The following SNX30 variants were observed in gnomAD, a reference collection of about 807,000 sequenced individuals.
The protein encoded by SNX30 is sorting nexin family member 30, also known as sorting nexin-30.
SNX30 carries 24 observed loss-of-function variants against 46.4 expected under a neutral mutation model. That is an observed-to-expected ratio of 0.52 (90% CI 0.37 to 0.73). The LOEUF is 0.73. Ranked by LOEUF, SNX30 falls within the 30% of genes least tolerant of loss-of-function variation. The pLI is 0.00. For missense variants in SNX30, 533 were observed against 555.7 expected, an observed-to-expected ratio of 0.96 and a Z score of 0.41; for synonymous variants, 189 against 211.5, an observed-to-expected ratio of 0.89 and a Z score of 0.92.
intron 1 of SNX30, among the ~76,000 whole-genome samples, chr9:112,770,420 C>G (rs1256924915): frequency 6.6e-6 from 1 of 151,972 alleles, no homozygotes; most frequent in Non-Finnish European, 1.5e-5. Context: ...ATCTGCCCAC[C>G]TCGTCCCCCC....
At chr9:112,784,452 C>T (rs1411499585) in intron 1 of SNX30, among the ~76,000 whole-genome samples, 2 of 152,284 alleles carry the variant, frequency 1.3e-5, no homozygotes, top group African/African-American at 4.8e-5. Flanking sequence ...CTTTCCAGGC[C>T]TTATTTCCTG....
intron 1 of SNX30, among the ~76,000 whole-genome samples, chr9:112,764,260 G>A (rs1171138579): frequency 1.3e-5 from 2 of 152,240 alleles, no homozygotes; most frequent in Non-Finnish European, 2.9e-5. Context: ...CGCACAGCGA[G>A]CAAGGGGATT....
Position 112,865,661 on chromosome 9 carries a change from A to ATATATGTGTGTGTGTGTGTGTGTG in SNX30, c.1254+1263_1254+1264insATATGTGTGTGTGTGTGTGTGTGT. On this transcript the variant is annotated intron_variant, in intron 8 of 8. Transcript: ENST00000374232. ...TATATATATATATATATATATATAT[A>ATATATGTGTGTGTGTGTGTGTGTG]TGTATGTATGTATGCACACACACAC... Among the ~76,000 whole-genome samples, 36 of 105,684 alleles carry ATATATGTGTGTGTGTGTGTGTGTG rather than the reference A, an allele frequency of 3.4e-4. 1 individual carries two copies. The highest frequency in any genetic ancestry group is 6.1e-4 in the Non-Finnish European group (32 of 52,676). 69.3% of individuals were successfully genotyped at this position (105,684 alleles called of 152,430 possible).
chr9:112,795,780 C>T (rs990538554), intron 1 of SNX30, among the ~76,000 whole-genome samples: 2 of 151,830 alleles, frequency 1.3e-5, no homozygotes, highest in African/African-American at 4.8e-5. Flanking sequence ...CACACACACA[C>T]ACACACACAC....
At chr9:112,857,906 A>G (rs551964170) in intron 7 of SNX30, among the ~76,000 whole-genome samples, 1 of 152,130 alleles carries the variant, frequency 6.6e-6, no homozygotes, top group Non-Finnish European at 1.5e-5. Flanking sequence ...TGTTGAGTGA[A>G]TTTAAGTTAC....
At chr9:112,750,556 G>A (rs1379629177), upstream of SNX30, 1 of 152,354 alleles carries the variant, frequency 6.6e-6, no homozygotes, top group East Asian at 1.9e-4. Flanking sequence ...GCGAGGCAAC[G>A]TTGGACACTG....
chr9:112,854,120 A>G (rs987312062), intron 7 of SNX30, among the ~76,000 whole-genome samples: 1 of 152,206 alleles, frequency 6.6e-6, no homozygotes, highest in Non-Finnish European at 1.5e-5. Context: ...CCTATACAGG[A>G]CACATTCCTT....
At chr9:112,862,139 G>C (rs900098928) in intron 7 of SNX30, among the ~76,000 whole-genome samples, 1 of 152,218 alleles carries the variant, frequency 6.6e-6, no homozygotes. Context: ...CCGTGGTTTA[G>C]ACCCTGATTT....
At chr9:112,785,845 G>A (rs1372682783) in intron 1 of SNX30, among the ~76,000 whole-genome samples, 1 of 152,006 alleles carries the variant, frequency 6.6e-6, no homozygotes, top group Non-Finnish European at 1.5e-5. Flanking sequence ...GCTAAATTTT[G>A]TCTAACAACA....
At chr9:112,838,052 G>C (rs770142444) in intron 5 of SNX30, among the ~76,000 whole-genome samples, 44 of 150,986 alleles carry the variant, frequency 2.9e-4, no homozygotes, top group African/African-American at 9.5e-4. Context: ...CACCACACCC[G>C]GCTAATTTTT....
chr9:112,789,568 T>G (rs184363274), intron 1 of SNX30, among the ~76,000 whole-genome samples: 1 of 152,330 alleles, frequency 6.6e-6, no homozygotes, highest in Non-Finnish European at 1.5e-5. Context: ...GTTTAGTATA[T>G]GCTTGAAATA....
chr9:112,810,446 G>A (rs1242211524), intron 2 of SNX30, among the ~76,000 whole-genome samples: 4 of 152,172 alleles, frequency 2.6e-5, no homozygotes, highest in Non-Finnish European at 5.9e-5. Context: ...AGTGATTGAA[G>A]TTCTGGGCCA....
intron 3 of SNX30, among the ~76,000 whole-genome samples, chr9:112,823,017 A>G (rs1057471513): frequency 6.6e-6 from 1 of 152,092 alleles, no homozygotes; most frequent in Admixed American, 6.5e-5. Context: ...ATTATTGTGA[A>G]TCTCTTACTC....
chr9:112,879,684 C>A (rs28679756), downstream of SNX30: 2 of 1,399,372 alleles, frequency 1.4e-6, no homozygotes, highest in African/African-American at 2.8e-5. Flanking sequence ...GCTTAGGTCA[C>A]CAGTTCCCTG....
At chr9:112,777,353 G>T (rs1267485894) in intron 1 of SNX30, among the ~76,000 whole-genome samples, 6 of 151,954 alleles carry the variant, frequency 3.9e-5, no homozygotes, top group African/African-American at 1.2e-4. Flanking sequence ...TCACTGGCGG[G>T]ATTCTGTAAC....
chr9:112,876,784 A>C (rs1022670667), downstream of SNX30, among the ~76,000 whole-genome samples: 6 of 152,278 alleles, frequency 3.9e-5, no homozygotes, highest in Admixed American at 3.3e-4. Flanking sequence ...AAAAATACAA[A>C]AATTAGCCAG....
At chr9:112,790,010 A>G (rs1190159909) in intron 1 of SNX30, among the ~76,000 whole-genome samples, 2 of 152,210 alleles carry the variant, frequency 1.3e-5, no homozygotes, top group Non-Finnish European at 2.9e-5. Context: ...GGGGGATACT[A>G]ACTTAGAAAC....
chr9:112,787,024 A>G (rs1259987707), intron 1 of SNX30, among the ~76,000 whole-genome samples: 1 of 152,168 alleles, frequency 6.6e-6, no homozygotes, highest in Non-Finnish European at 1.5e-5. Flanking sequence ...GAGTCATGTC[A>G]GTGGGAATGT....
At chr9:112,776,586 C>A (rs1231897309) in intron 1 of SNX30, among the ~76,000 whole-genome samples, 1 of 152,220 alleles carries the variant, frequency 6.6e-6, no homozygotes, top group Non-Finnish European at 1.5e-5. Context: ...ACTTGCTCTT[C>A]TGCTACCACT....
Sources: allele counts gnomAD v4.1 joint callset (sites outside exome capture counted in the v4.1 genomes callset), GRCh38; gene constraint gnomAD v4.1.1; transcripts MANE v1.5; gene names NCBI Gene and HGNC (gene_info 2026-07-23, HGNC 2026-07-21).